Variants in KANK1 observed in about 807,000 individuals in gnomAD.
The protein encoded by KANK1 is KN motif and ankyrin repeat domain-containing protein 1.
Under a neutral mutation model 106.2 loss-of-function variants are expected in KANK1, and 109 were observed. The ratio of observed to expected loss-of-function variants is 1.03; its 90% CI spans 0.88 to 1.20. The LOEUF is 1.20. Ranked by LOEUF, KANK1 falls within the 50% of genes most tolerant of loss-of-function variation. The pLI is 0.00. For synonymous variants in KANK1, 873 were observed against 652.2 expected, an observed-to-expected ratio of 1.34 and a Z score of -5.16; for missense variants, 2,399 against 1,710.7, an observed-to-expected ratio of 1.40 and a Z score of -7.10.
At chr9:745,062 G>C in intron 11 of KANK1, 111 bp from the exon 12 acceptor site, 1 of 1,531,872 alleles carries the variant, frequency 6.5e-7, no homozygotes, top group Non-Finnish European at 8.8e-7. Flanking sequence ...CTCCTGGCTC[G>C]GGCTCACAGC....
intron 1 of KANK1, among the ~76,000 whole-genome samples, chr9:635,885 G>C (rs1244314902): frequency 6.6e-6 from 1 of 151,798 alleles, no homozygotes; most frequent in Admixed American, 6.6e-5. Context: ...TTATTGGTCA[G>C]ACTGGTCTTG....
intron 2 of KANK1, among the ~76,000 whole-genome samples, chr9:701,193 A>T (rs946885585): frequency 2.6e-5 from 4 of 152,092 alleles, no homozygotes; most frequent in Admixed American, 2.0e-4. Context: ...GGCTCACCAC[A>T]ACCTCTGCCT....
intron 10 of KANK1, among the ~76,000 whole-genome samples, chr9:742,671 C>A (rs1015865286): frequency 6.6e-6 from 1 of 152,214 alleles, no homozygotes; most frequent in Admixed American, 6.5e-5. Flanking sequence ...ATTTAACGGG[C>A]ATGTCCAAGA....
chr9:608,625 C>T (rs931401738), intron 1 of KANK1, among the ~76,000 whole-genome samples: 4 of 149,114 alleles, frequency 2.7e-5, no homozygotes, highest in Non-Finnish European at 5.9e-5. Flanking sequence ...ATCATCAGGA[C>T]ATCATCACGA....
In KANK1 at chr9:554,149, T is replaced by TC. The variant is rs112514151; in HGVS notation, c.-84+49399dup. Among the ~76,000 whole-genome samples, 206 of 152,310 alleles carry TC rather than the reference T, an allele frequency of 1.4e-3. 3 individuals carry two copies. The highest frequency in any genetic ancestry group is 4.2e-3 in the African/African-American group (175 of 41,568). On this transcript the variant is annotated intron_variant, in intron 1 of 11. Transcript: ENST00000382297. ...CGAAGGCCAGGAAGTCCCAGGATGT[T>TC]CCCCAAGAAGTCTCAAGATCTGCCA...
chr9:476,586 C>G (rs772859729), intron 3 of KANK1: 1 of 152,046 alleles, frequency 6.6e-6, no homozygotes, highest in East Asian at 1.9e-4. Flanking sequence ...GAAACCAAAC[C>G]CCCTGCTTCC....
intron 1 of KANK1, among the ~76,000 whole-genome samples, chr9:522,832 A>G (rs1476867933): frequency 1.3e-5 from 2 of 151,482 alleles, no homozygotes; most frequent in Non-Finnish European, 2.9e-5. Flanking sequence ...TTTTCACTTC[A>G]TTACTCCTCC....
At chr9:500,499 C>T (rs1034033225), upstream of KANK1, among the ~76,000 whole-genome samples, 1 of 152,174 alleles carries the variant, frequency 6.6e-6, no homozygotes, top group Non-Finnish European at 1.5e-5. Context: ...TGGCCCTATG[C>T]TGATGAAGAC....
chr9:589,502 G>C (rs567171731), intron 1 of KANK1, among the ~76,000 whole-genome samples: 2 of 152,020 alleles, frequency 1.3e-5, no homozygotes, highest in African/African-American at 4.8e-5. Flanking sequence ...AAGAGAGGGA[G>C]GTACCCAGCG....
intron 3 of KANK1, among the ~76,000 whole-genome samples, chr9:489,865 G>C (rs913239264): frequency 2.0e-5 from 3 of 152,186 alleles, no homozygotes; most frequent in African/African-American, 7.2e-5. Context: ...GTTCTAGGTA[G>C]AGCTTGGCAA....
At chr9:483,000 G>C (rs1414047190) in intron 3 of KANK1, among the ~76,000 whole-genome samples, 22 of 152,098 alleles carry the variant, frequency 1.4e-4, no homozygotes, top group Admixed American at 1.4e-3. Context: ...TAGATCTGTT[G>C]GTTATCAGGT....
At chr9:646,752 C>T (rs1309875175) in intron 1 of KANK1, among the ~76,000 whole-genome samples, 3 of 149,450 alleles carry the variant, frequency 2.0e-5, no homozygotes, top group Non-Finnish European at 4.4e-5. Context: ...TGCAGTGGCA[C>T]GATCTCAGCT....
At chr9:573,765 G>C (rs138396441) in intron 1 of KANK1, among the ~76,000 whole-genome samples, 2 of 148,392 alleles carry the variant, frequency 1.3e-5, no homozygotes, top group Non-Finnish European at 3.0e-5. Context: ...TCGAAATCCT[G>C]AGTGAAAAGA....
chr9:647,668 G>C (rs1588550302), intron 1 of KANK1, among the ~76,000 whole-genome samples: 1 of 150,878 alleles, frequency 6.6e-6, no homozygotes, highest in East Asian at 1.9e-4. Context: ...ACAATGTTAG[G>C]AGCCAAAGTT....
chr9:531,174 C>T (rs969966998), intron 1 of KANK1, among the ~76,000 whole-genome samples: 2 of 151,978 alleles, frequency 1.3e-5, no homozygotes, highest in Non-Finnish European at 2.9e-5. Context: ...TGTAGTGGTT[C>T]ATGCCTATAA....
At chr9:575,241 G>T (rs1443028569) in intron 1 of KANK1, among the ~76,000 whole-genome samples, 1 of 152,194 alleles carries the variant, frequency 6.6e-6, no homozygotes, top group Admixed American at 6.5e-5. Context: ...TGTATAATTT[G>T]GAGATAAGCT....
intron 1 of KANK1, among the ~76,000 whole-genome samples, chr9:625,738 T>A (rs965075934): frequency 6.6e-6 from 1 of 152,188 alleles, no homozygotes; most frequent in African/African-American, 2.4e-5. Context: ...TGGGAAGAAG[T>A]TTTGAGTCTC....
At chr9:739,348 T>TTGG (rs1564128465) in intron 8 of KANK1, among the ~76,000 whole-genome samples, 1 of 152,252 alleles carries the variant, frequency 6.6e-6, no homozygotes, top group African/African-American at 2.4e-5. Context: ...TATGCAATCA[T>TTGG]ACTGTCCAAT....
At chr9:665,412 T>C (rs775578595) in intron 1 of KANK1, among the ~76,000 whole-genome samples, 1 of 152,234 alleles carries the variant, frequency 6.6e-6, no homozygotes, top group Non-Finnish European at 1.5e-5. Flanking sequence ...GTGCCATTTA[T>C]TGAAGAGACT....
Sources: allele counts gnomAD v4.1 joint callset (sites outside exome capture counted in the v4.1 genomes callset), GRCh38; gene constraint gnomAD v4.1.1; transcripts MANE v1.5; gene names NCBI Gene and HGNC (gene_info 2026-07-23, HGNC 2026-07-21).